VWA3B: variants seen among roughly 807,000 people sequenced by gnomAD.
VWA3B encodes von Willebrand factor A domain containing 3B.
In VWA3B, 138 loss-of-function variants were observed where a neutral mutation model predicts 158.3. The ratio of observed to expected loss-of-function variants is 0.87; its 90% CI spans 0.76 to 1.00. The LOEUF (loss-of-function observed/expected upper bound fraction) is 1.00, where lower values mean the gene tolerates loss of function less well. Among genes scored for constraint, VWA3B ranks in the 50% least tolerant of loss-of-function variants. The pLI, the probability that VWA3B is intolerant of heterozygous loss-of-function variation, is 0.00. For synonymous variants in VWA3B, 596 were observed against 587.3 expected (o/e 1.01, Z -0.21); for missense variants, 1,555 against 1,565.1 (o/e 0.99, Z 0.11).
intron 2 of VWA3B, among the ~76,000 whole-genome samples, chr2:98,114,232 T>C (rs1225947403): frequency 1.3e-5 from 2 of 152,238 alleles, no homozygotes; most frequent in Non-Finnish European, 2.9e-5. Flanking sequence ...CATAGTCTTA[T>C]TTCCTTCAAG....
In VWA3B at chr2:98,311,820, G is replaced by C. The variant is rs1419501804; in HGVS notation, c.3523G>C (p.Glu1175Gln). Residue 1175 changes from glutamate (E) to glutamine (Q), a missense_variant and splice_region_variant, in exon 27 of 28, where the codon GAG becomes CAG. Transcript: ENST00000477737. The part of the protein sequence containing the change: ...SPPIPEDPEV[E>Q]DVEARNSAFL... ...ACCCTGATCTCTCTCTGTCTCTAGA[G>C]AGGATGTGGAGGCGAGGAACTCTGC... 14 of 1,601,064 alleles carry C rather than the reference G, an allele frequency of 8.7e-6. No homozygotes were observed. Among genetic ancestry groups the C allele is most frequent in the Non-Finnish European group, 1.2e-5 (14 of 1,174,038 alleles).
chr2:98,290,250 G>A (rs545375897), intron 22 of VWA3B, among the ~76,000 whole-genome samples: 13 of 152,194 alleles, frequency 8.5e-5, no homozygotes, highest in African/African-American at 2.6e-4. Context: ...GAGTGAAAGG[G>A]GAGGTGCCAC....
intron 8 of VWA3B, among the ~76,000 whole-genome samples, chr2:98,169,955 CA>C (rs1157792618): frequency 7.9e-5 from 12 of 151,574 alleles, no homozygotes; most frequent in Non-Finnish European, 1.5e-4. Context: ...CCCGCCTCAA[CA>C]AAAAAAATGT....
At chr2:98,320,156 C>G in the VWA3B span, among the ~76,000 whole-genome samples, 2 of 152,060 alleles carry the variant, frequency 1.3e-5, no homozygotes, top group Non-Finnish European at 2.9e-5. Context: ...AGTAACAAGT[C>G]TCATGAGAGC....
At chr2:98,298,512 A>G (rs1689984457) in intron 24 of VWA3B, among the ~76,000 whole-genome samples, 1 of 152,054 alleles carries the variant, frequency 6.6e-6, no homozygotes, top group African/African-American at 2.4e-5. Flanking sequence ...CTATTACATA[A>G]TAACAAGGGC....
intron 26 of VWA3B, among the ~76,000 whole-genome samples, chr2:98,311,004 G>T (rs1371428718): frequency 6.6e-6 from 1 of 152,128 alleles, no homozygotes; most frequent in Non-Finnish European, 1.5e-5. Context: ...TTTCCAAAAG[G>T]ATCCGAAGCA....
At chr2:98,280,545 T>G (rs1245871052) in intron 22 of VWA3B, among the ~76,000 whole-genome samples, 1 of 152,330 alleles carries the variant, frequency 6.6e-6, no homozygotes, top group East Asian at 1.9e-4. Flanking sequence ...TTCTTGTGCC[T>G]CTTAGCCATT....
intron 19 of VWA3B, among the ~76,000 whole-genome samples, chr2:98,247,635 T>A (rs972365617): frequency 2.0e-5 from 3 of 152,188 alleles, no homozygotes; most frequent in Non-Finnish European, 4.4e-5. Context: ...TTTTCACATA[T>A]CTATTATCTG....
In VWA3B at chr2:98,167,533, C is replaced by T. The variant is rs538114472; in HGVS notation, c.1114+4557C>T. Among the ~76,000 whole-genome samples the T allele has an allele frequency of 5.9e-5, 9 of 152,204 alleles. No homozygotes were observed. In the East Asian group the frequency reaches 1.4e-3, roughly 23 times the overall value. ...CAGGCCCTGGCGCACAGAGGAGGAACGTAGGTGGAGCCCAGAAAACATCCT... is the reference window on the plus strand; with the variant it reads ...CAGGCCCTGGCGCACAGAGGAGGAATGTAGGTGGAGCCCAGAAAACATCCT... On this transcript the variant is annotated intron_variant, in intron 8 of 27. Coordinates refer to ENST00000477737, the MANE Select transcript of VWA3B (RefSeq NM_144992.5).
the VWA3B span, among the ~76,000 whole-genome samples, chr2:98,323,997 G>A: frequency 6.6e-6 from 1 of 152,118 alleles, no homozygotes; most frequent in Admixed American, 6.6e-5. Context: ...TACCACACGT[G>A]GAGGCTTAAA....
chr2:98,096,894 T>C (rs1682751901), intron 2 of VWA3B, among the ~76,000 whole-genome samples: 2 of 152,152 alleles, frequency 1.3e-5, no homozygotes, highest in Non-Finnish European at 2.9e-5. Flanking sequence ...TTTATGTATT[T>C]GTATTCTCTA....
intron 20 of VWA3B, among the ~76,000 whole-genome samples, chr2:98,255,329 G>T (rs1687064692): frequency 6.6e-6 from 1 of 150,766 alleles, no homozygotes; most frequent in Non-Finnish European, 1.5e-5. Context: ...ACTGCACCCG[G>T]CTGGAAGCAG....
At chr2:98,109,234 T>G (rs539403470) in intron 2 of VWA3B, among the ~76,000 whole-genome samples, 1 of 152,252 alleles carries the variant, frequency 6.6e-6, no homozygotes, top group African/African-American at 2.4e-5. Flanking sequence ...TCGGGTGATC[T>G]GACAACCTTG....
intron 13 of VWA3B, among the ~76,000 whole-genome samples, chr2:98,215,240 A>G (rs1004477972): frequency 1.3e-5 from 2 of 151,956 alleles, no homozygotes; most frequent in Non-Finnish European, 2.9e-5. Context: ...CAGGAGATCA[A>G]GACCATCCCG....
At chr2:98,254,213 T>G (rs1372192397) in intron 20 of VWA3B, among the ~76,000 whole-genome samples, 1 of 152,108 alleles carries the variant, frequency 6.6e-6, no homozygotes, top group African/African-American at 2.4e-5. Flanking sequence ...GCAGGTGGTG[T>G]TAGCCTTGTC....
intron 12 of VWA3B, among the ~76,000 whole-genome samples, chr2:98,200,906 G>A (rs768669109): frequency 9.2e-5 from 14 of 152,196 alleles, no homozygotes; most frequent in Non-Finnish European, 1.9e-4. Context: ...TCTCTCCGTG[G>A]AATTACTATT....
At chr2:98,197,631 T>C (rs1682166065) in intron 12 of VWA3B, among the ~76,000 whole-genome samples, 1 of 152,234 alleles carries the variant, frequency 6.6e-6, no homozygotes, top group South Asian at 2.1e-4. Context: ...TATTTCAATG[T>C]GGACTCATGG....
intron 7 of VWA3B, among the ~76,000 whole-genome samples, chr2:98,141,644 C>T (rs1265372877): frequency 6.6e-6 from 1 of 152,188 alleles, no homozygotes; most frequent in African/African-American, 2.4e-5. Context: ...AAACTCTTAT[C>T]ACTGGGCATT....
chr2:98,312,368 A>G lies in VWA3B; in HGVS notation c.*19A>G, dbSNP rs1574336190. On this transcript the variant is annotated 3_prime_UTR_variant, in exon 28 of 28. Transcript: ENST00000477737. ...ACTTTAAGGCCGTCTGGTGGCAGCT[A>G]TGTTTAAGAGACCAGCGTCCTTCCA... 3 of 1,597,066 alleles carry G rather than the reference A, an allele frequency of 1.9e-6. No individual in the cohort carries two copies. Among genetic ancestry groups the G allele is most frequent in the East Asian group, 2.2e-5 (1 of 44,564 alleles).
Sources: allele counts gnomAD v4.1 joint callset (sites outside exome capture counted in the v4.1 genomes callset), GRCh38; gene constraint gnomAD v4.1.1; transcripts MANE v1.5; gene names NCBI Gene and HGNC (gene_info 2026-07-23, HGNC 2026-07-21).